Variants in POLR1C observed in about 807,000 individuals in gnomAD.
POLR1C encodes RNA polymerase I and III subunit C.
In POLR1C, 42 loss-of-function variants were observed where a neutral mutation model predicts 38.3. The observed-to-expected ratio is 1.10, with a 90% CI of 0.86 to 1.42. The LOEUF is 1.42. POLR1C is among the 40% of genes most tolerant of loss of function. POLR1C has a pLI of 0.00. For missense variants in POLR1C, 507 were observed against 450.5 expected (o/e 1.13, Z -1.14); for synonymous variants, 163 against 163.9 (o/e 0.99, Z 0.04).
At chr6:43,540,196 G>A (rs962030823) in intron 9 of POLR1C, among the ~76,000 whole-genome samples, 29 of 152,142 alleles carry the variant, frequency 1.9e-4, no homozygotes, top group Non-Finnish European at 4.0e-4. Context: ...TCAAGACCAG[G>A]CTGGCAAACA....
rs370742317 is a variant in POLR1C at position 43,534,752 on chromosome 6, C to T, written c.*4+5393C>T. ...GTGGCTCACGCCTATAATCCCAGTA[C>T]TTTGGGAGGCCGAGGCTGGCGAATT... On this transcript the variant is annotated intron_variant, in intron 9 of 10. Transcript: ENST00000607635. 2.6e-5 allele frequency among the ~76,000 whole-genome samples: 4 copies of T among 152,336 alleles called. No individual in the cohort carries two copies. The East Asian group carries it at 5.8e-4, about 22-fold the overall frequency.
At chr6:43,542,496 G>A (rs190444588) in intron 9 of POLR1C, among the ~76,000 whole-genome samples, 9 of 151,878 alleles carry the variant, frequency 5.9e-5, no homozygotes, top group East Asian at 1.9e-4. Flanking sequence ...TGCAACCTCC[G>A]CCTCCCAAGT....
At chr6:43,525,817 A>T, downstream of POLR1C, 1 of 1,613,348 alleles carries the variant, frequency 6.2e-7, no homozygotes, top group African/African-American at 1.3e-5. Flanking sequence ...GAGTAAAGGT[A>T]TCACCTGCTC....
rs386352351 is a variant in POLR1C, at chr6:43,521,008, G to T, written c.882G>T (p.Lys294Asn). ...AAATCTTCCGGAATGAGAAGCTAAA[G>T]AAGGTTGTGAGGCTTGCCCGGGTTC... ...SREIFRNEKL[K>N]KVVRLARVRD... Residue 294 changes from lysine (K) to asparagine (N), a missense_variant, in exon 8 of 9, where the codon AAG (lysine) becomes AAT (asparagine). Transcript: ENST00000642195. 6.2e-7 allele frequency: 1 copy of T among 1,614,200 alleles called. No individual in the cohort carries two copies. The highest frequency in any genetic ancestry group is 8.5e-7 in the Non-Finnish European group (1 of 1,180,006).
intron 9 of POLR1C, chr6:43,547,222 T>C (rs1375786346): frequency 1.1e-5 from 4 of 367,038 alleles, no homozygotes; most frequent in African/African-American, 4.2e-5. Context: ...ACAATGCTTA[T>C]TTAAATAGCA....
At chr6:43,531,666 G>A, downstream of POLR1C, 1 of 1,063,860 alleles carries the variant, frequency 9.4e-7, no homozygotes, top group South Asian at 1.3e-5. Context: ...TTGTTCAGGG[G>A]TGAAGATGTG....
intron 9 of POLR1C, among the ~76,000 whole-genome samples, chr6:43,542,538 T>C (rs1417308445): frequency 6.6e-6 from 1 of 152,060 alleles, no homozygotes; most frequent in Non-Finnish European, 1.5e-5. Flanking sequence ...GCCTCCTGAG[T>C]AGCTGGGATT....
chr6:43,532,491 C>CT (rs1794046761), downstream of POLR1C, among the ~76,000 whole-genome samples: 1 of 152,230 alleles, frequency 6.6e-6, no homozygotes, highest in South Asian at 2.1e-4. Flanking sequence ...GCCTCTAGCT[C>CT]TAACTTCATC....
chr6:43,561,709 CCTCT>C (rs1762427645), exon 11 of POLR1C: 1 of 153,136 alleles, frequency 6.5e-6, no homozygotes, highest in South Asian at 2.1e-4. Flanking sequence ...CTGAAACTAT[CCTCT>C]CTAACCATTT....
chr6:43,525,940 A>G, downstream of POLR1C: 3 of 1,613,076 alleles, frequency 1.9e-6, no homozygotes, highest in Non-Finnish European at 2.5e-6. Context: ...AGAGAGTAGA[A>G]TGTTAAGCTC....
At chr6:43,528,291 A>G (rs1793725418) in intron 8 of POLR1C, 7 of 1,375,290 alleles carry the variant, frequency 5.1e-6, no homozygotes, top group Non-Finnish European at 7.1e-6. Flanking sequence ...CTTCATGATT[A>G]AAATTAGCCA....
intron 3 of POLR1C, 80 bp downstream of exon 3, chr6:43,519,520 A>G: frequency 3.7e-6 from 5 of 1,355,980 alleles, no homozygotes; most frequent in South Asian, 1.2e-5. Context: ...AAGTGTCTCA[A>G]GCTGTCCTTC....
chr6:43,519,931 G>C (rs1793050829), intron 4 of POLR1C, 93 bp downstream of exon 4: 1 of 1,539,804 alleles, frequency 6.5e-7, no homozygotes, highest in Non-Finnish European at 8.9e-7. Context: ...TTGTACATCA[G>C]TGTCTTTCAT....
exon 11 of POLR1C, chr6:43,561,929 G>C (rs139907791): frequency 1.3e-3 from 254 of 195,852 alleles, no homozygotes; most frequent in African/African-American, 5.4e-3. Context: ...TGGGCTAACA[G>C]AATGTAAAAG....
In POLR1C at chr6:43,553,528, C is replaced by T. The variant is rs376018727; in HGVS notation, c.*48+2517C>T. Reference sequence around the variant, plus strand: ...GCTTTAAAACACACACACACACATACACACACACACACACACACACAATTA... The same window carrying T: ...GCTTTAAAACACACACACACACATATACACACACACACACACACACAATTA... On this transcript the variant is annotated intron_variant, in intron 10 of 10. Transcript: ENST00000607635. The T allele has an allele frequency of 1.3e-3, 873 of 695,708 alleles. 2 individuals are homozygous for T. The highest frequency in any genetic ancestry group is 1.7e-3 in the Non-Finnish European group (836 of 498,292). The allele number at this position is 695,708 out of a possible 1,614,324, so 43.1% of individuals were successfully genotyped here. A position where few individuals can be genotyped will look rare whatever the true frequency, so the allele number is the denominator to read the frequency against.
At chr6:43,561,455 T>C (rs1406910800) in exon 11 of POLR1C, 2 of 156,306 alleles carry the variant, frequency 1.3e-5, no homozygotes, top group East Asian at 1.9e-4. Flanking sequence ...CTCGGCTCAC[T>C]GCAACCTCTA....
chr6:43,521,637 G>A, downstream of POLR1C: 1 of 375,888 alleles, frequency 2.7e-6, no homozygotes, highest in Non-Finnish European at 4.9e-6. Context: ...TTCTCAGGAG[G>A]CTGAGGCAAG....
At chr6:43,542,515 T>C (rs1334231628) in intron 9 of POLR1C, among the ~76,000 whole-genome samples, 2 of 152,240 alleles carry the variant, frequency 1.3e-5, no homozygotes, top group Middle Eastern at 3.4e-3. Flanking sequence ...GTTCAAGCGA[T>C]TCTCCTACCT....
At chr6:43,560,066 G>T in intron 10 of POLR1C, 1 of 1,327,496 alleles carries the variant, frequency 7.5e-7, no homozygotes, top group Non-Finnish European at 1.0e-6. Context: ...CGATCCTCCC[G>T]CCTCAGCCTT....
Sources: allele counts gnomAD v4.1 joint callset (sites outside exome capture counted in the v4.1 genomes callset), GRCh38; gene constraint gnomAD v4.1.1; transcripts MANE v1.5; gene names NCBI Gene and HGNC (gene_info 2026-07-23, HGNC 2026-07-21).